Variants in FGD6 observed in about 807,000 individuals in gnomAD.
FGD6 encodes FYVE, RhoGEF and PH domain-containing protein 6.
In FGD6, 90 loss-of-function variants were observed where a neutral mutation model predicts 149.4. That is an observed-to-expected ratio of 0.60 (90% CI 0.51 to 0.72). The LOEUF (loss-of-function observed/expected upper bound fraction) is 0.72. Ranked by LOEUF, FGD6 falls within the 30% of genes least tolerant of loss-of-function variation. FGD6 has a pLI of 0.00. For missense variants in FGD6, 1,437 were observed against 1,684.8 expected (o/e 0.85, Z 2.57); for synonymous variants, 527 against 584.0 (o/e 0.90, Z 1.41).
chr12:95,137,828 C>CA (rs1402760926), intron 6 of FGD6, 150 bp from the exon 7 acceptor site: 1 of 522,054 alleles, frequency 1.9e-6, no homozygotes, highest in Admixed American at 3.9e-5. Flanking sequence ...TCACCATTTC[C>CA]ACTGCCACCA....
intron 3 of FGD6, among the ~76,000 whole-genome samples, chr12:95,161,954 G>C (rs765412232): frequency 1.3e-5 from 2 of 151,536 alleles, no homozygotes; most frequent in Non-Finnish European, 2.9e-5. Flanking sequence ...GTCTAAAATG[G>C]AGCATTAAAA....
At chr12:95,176,166 G>C (rs1459427517) in intron 2 of FGD6, among the ~76,000 whole-genome samples, 4 of 152,068 alleles carry the variant, frequency 2.6e-5, no homozygotes, top group Admixed American at 1.3e-4. Context: ...CAAACTCCCA[G>C]GCTCAAGCAA....
chr12:95,205,651 T>C lies in FGD6; in HGVS notation c.2441+3192A>G, dbSNP rs544037174. 3.3e-5 allele frequency among the ~76,000 whole-genome samples: 5 copies of C among 152,356 alleles called. No homozygotes were observed. In the South Asian group the frequency reaches 1.0e-3, roughly 32 times the overall value. On this transcript the variant is annotated intron_variant, in intron 2 of 20. Transcript: ENST00000343958. ...GGACCCTTTGAGCTCACCTGAAATGTATGCCTCACTGTTCATTTATTTGAT... is the reference window on the plus strand; with the variant it reads ...GGACCCTTTGAGCTCACCTGAAATGCATGCCTCACTGTTCATTTATTTGAT...
chr12:95,137,978 T>C (rs1267588000), intron 6 of FGD6, among the ~76,000 whole-genome samples: 1 of 152,070 alleles, frequency 6.6e-6, no homozygotes, highest in African/African-American at 2.4e-5. Context: ...TCCCAGCACT[T>C]TGGGAGCCGA....
intron 2 of FGD6, among the ~76,000 whole-genome samples, chr12:95,174,457 G>A (rs574470049): frequency 6.6e-6 from 1 of 152,126 alleles, no homozygotes; most frequent in African/African-American, 2.4e-5. Context: ...GAAAACACAC[G>A]CTCAGGCCAC....
intron 2 of FGD6, among the ~76,000 whole-genome samples, chr12:95,195,454 A>G (rs979039167): frequency 1.3e-5 from 2 of 151,960 alleles, no homozygotes; most frequent in Admixed American, 6.6e-5. Context: ...GCAGGAAACA[A>G]GCGATGAAAG....
At chr12:95,128,881 G>C (rs940576688) in intron 8 of FGD6, among the ~76,000 whole-genome samples, 9 of 152,192 alleles carry the variant, frequency 5.9e-5, no homozygotes. Context: ...ACCTACTATA[G>C]CTAGACTAAA....
chr12:95,093,840 T>A, intron 15 of FGD6, among the ~76,000 whole-genome samples: 1 of 132,550 alleles, frequency 7.5e-6, no homozygotes, highest in African/African-American at 2.9e-5. Context: ...AGAGCAATAC[T>A]CCATCTCAAC....
At chr12:95,188,581 A>C (rs930099491) in intron 2 of FGD6, among the ~76,000 whole-genome samples, 2 of 152,206 alleles carry the variant, frequency 1.3e-5, no homozygotes, top group Admixed American at 6.5e-5. Flanking sequence ...CAAAACAAAC[A>C]AAACCCCCAA....
intron 9 of FGD6, among the ~76,000 whole-genome samples, chr12:95,110,373 T>TG (rs1275825998): frequency 1.3e-5 from 2 of 151,580 alleles, no homozygotes; most frequent in South Asian, 2.1e-4. Flanking sequence ...TTTTTTTTTT[T>TG]TTTGAGACAG....
rs1879718662 is a variant in FGD6, at chr12:95,137,812, T to G, written c.2838-134A>C. ...CTTGTAAGACATACCTCAAAATGCC[T>G]ACTTTTCACCATTTCCACTGCCACC... is the stretch of plus-strand genomic sequence containing the variant. On this transcript the variant is annotated intron_variant, in intron 6 of 20. Transcript: ENST00000343958. 2.1e-5 allele frequency: 12 copies of G among 566,696 alleles called. No homozygotes were observed. In the South Asian group the frequency reaches 4.7e-4, roughly 22 times the overall value. 35.1% of individuals were successfully genotyped at this position (566,696 alleles called of 1,614,324 possible). A position where few individuals can be genotyped will look rare whatever the true frequency, so the allele number is the denominator to read the frequency against.
chr12:95,150,224 C>T (rs1052099994), intron 5 of FGD6, among the ~76,000 whole-genome samples: 45 of 152,122 alleles, frequency 3.0e-4, no homozygotes, highest in Non-Finnish European at 4.6e-4. Flanking sequence ...GACGGGGTTT[C>T]TCCATGTTGG....
intron 3 of FGD6, among the ~76,000 whole-genome samples, chr12:95,161,270 C>T (rs1312279472): frequency 1.3e-5 from 2 of 151,734 alleles, no homozygotes; most frequent in African/African-American, 2.4e-5. Flanking sequence ...CCAAGGTGAG[C>T]GGATCACTTG....
chr12:95,212,015 C>A (rs933279006), intron 1 of FGD6, among the ~76,000 whole-genome samples: 1 of 152,046 alleles, frequency 6.6e-6, no homozygotes, highest in African/African-American at 2.4e-5. Flanking sequence ...ATAGATAGAA[C>A]CCCAAAACAA....
chr12:95,172,038 G>GTGT lies in FGD6; in HGVS notation c.2586+561_2586+562insACA, dbSNP rs1555221385. 3.7e-5 allele frequency among the ~76,000 whole-genome samples: 5 copies of GTGT among 136,648 alleles called. No homozygotes were observed. The East Asian group carries it at 1.1e-3, about 30-fold the overall frequency. 89.6% of individuals were successfully genotyped at this position (136,648 alleles called of 152,430 possible). On this transcript the variant is annotated intron_variant, in intron 3 of 20. Transcript: ENST00000343958. Reference sequence around the variant, plus strand: ...AGCAGTACAGGGAACAATTCTAAGGGGGGGGGGGTTGTTATCAAAAAGCAA... The same window carrying GTGT: ...AGCAGTACAGGGAACAATTCTAAGGGTGTGGGGGGGGTTGTTATCAAAAAGCAA...
rs1877849863 is a variant in FGD6, at chr12:95,085,921, C to T, written c.3979-13G>A. 2.5e-6 allele frequency: 4 copies of T among 1,590,554 alleles called. No homozygotes were observed. In the African/African-American group the frequency reaches 5.4e-5, roughly 22 times the overall value. ...TGTTTGCTGATACCTAGATAAGAAA[C>T]CCCATACAAAGTTTAATGGTTTTCA... On this transcript the variant is annotated splice_polypyrimidine_tract_variant and intron_variant, in intron 18 of 20. Transcript: ENST00000343958.
Position 95,148,908 on chromosome 12 carries a change from TTA to T in FGD6, c.2685+3901_2685+3902del, listed in dbSNP as rs377598270. Among the ~76,000 whole-genome samples the T allele has an allele frequency of 7.9e-4, 9 of 11,450 alleles. 1 individual carries two copies. The East Asian group carries it at 0.041, about 52-fold the overall frequency. The allele number at this position is 11,450 out of a possible 152,430, so 7.5% of individuals were successfully genotyped here. ...TATATTATATAAGATATAGCATATA[TTA>T]TATATATTATATAAGATATAGCATA... is the stretch of plus-strand genomic sequence containing the variant. On this transcript the variant is annotated intron_variant, in intron 5 of 20. Transcript: ENST00000343958.
chr12:95,139,058 A>G (rs1000103516), intron 6 of FGD6, among the ~76,000 whole-genome samples: 20 of 152,226 alleles, frequency 1.3e-4, no homozygotes, highest in African/African-American at 4.8e-4. Context: ...TTGTTGTTAA[A>G]AGCCAATGGA....
chr12:95,144,988 C>CTTT lies in FGD6; in HGVS notation c.2686-3452_2686-3450dup, dbSNP rs34338776. On this transcript the variant is annotated intron_variant, in intron 5 of 20. Transcript: ENST00000343958. The stretch of plus-strand genomic sequence containing the variant: ...ACAGGCGTGAGCCACCGCACCCGGC[C>CTTT]TTTTTTTTTTTTTTTTTTGCGACAG... Among the ~76,000 whole-genome samples, 611 of 98,846 alleles carry CTTT rather than the reference C, an allele frequency of 6.2e-3. 47 individuals carry two copies. Among genetic ancestry groups the CTTT allele is most frequent in the African/African-American group, 0.016 (387 of 24,280 alleles). The allele number at this position is 98,846 out of a possible 152,430, so 64.8% of individuals were successfully genotyped here. A position where few individuals can be genotyped will look rare whatever the true frequency, so the allele number is the denominator to read the frequency against.
Sources: allele counts gnomAD v4.1 joint callset (sites outside exome capture counted in the v4.1 genomes callset), GRCh38; gene constraint gnomAD v4.1.1; transcripts MANE v1.5; gene names NCBI Gene and HGNC (gene_info 2026-07-23, HGNC 2026-07-21).